Variants in CCDC192 observed in about 807,000 individuals in gnomAD.
CCDC192 encodes the protein coiled-coil domain-containing protein 192.
chr5:127,872,895 T>C (rs1417640424), intron 5 of CCDC192, among the ~76,000 whole-genome samples: 1 of 152,092 alleles, frequency 6.6e-6, no homozygotes, highest in Non-Finnish European at 1.5e-5. Flanking sequence ...AATATACAAA[T>C]ATATAATAGT....
rs145084363 is a variant in CCDC192 at position 127,806,544 on chromosome 5, T to G, written c.411+8382T>G. On this transcript the variant is annotated intron_variant, in intron 5 of 6. Coordinates refer to ENST00000514853, the MANE Select transcript of CCDC192 (RefSeq NM_001317938.2). ...GCATTTCTTCAAACATGTATTTCAG[T>G]TTCTTACTTAATAAGCTTAGACTTC... Among the ~76,000 whole-genome samples the G allele has an allele frequency of 9.2e-5, 14 of 152,292 alleles. No individual in the cohort carries two copies. The East Asian group carries it at 2.7e-3, about 29-fold the overall frequency.
chr5:127,776,776 A>G (rs1413032365), intron 3 of CCDC192, among the ~76,000 whole-genome samples: 1 of 152,206 alleles, frequency 6.6e-6, no homozygotes, highest in Non-Finnish European at 1.5e-5. Context: ...GGGCCAAGGT[A>G]CAGTTCAGGC....
At chr5:127,873,368 A>T (rs190214011) in intron 5 of CCDC192, among the ~76,000 whole-genome samples, 19 of 152,334 alleles carry the variant, frequency 1.2e-4, no homozygotes, top group Non-Finnish European at 1.9e-4. Context: ...ATAATGAAAA[A>T]TTGCAAACAT....
chr5:127,751,258 G>C (rs12523504), intron 2 of CCDC192, among the ~76,000 whole-genome samples: 8,952 of 152,156 alleles, frequency 0.059, 586 homozygotes, highest in East Asian at 0.27. Context: ...GGTACCAGTT[G>C]TTCCTTTCCA....
intron 5 of CCDC192, among the ~76,000 whole-genome samples, chr5:127,865,605 A>G (rs1372787872): frequency 6.6e-6 from 1 of 150,722 alleles, no homozygotes; most frequent in African/African-American, 2.5e-5. Flanking sequence ...AGTATTGGAA[A>G]CATGGTTTTC....
At chr5:127,930,011 C>T (rs936082593) in intron 6 of CCDC192, among the ~76,000 whole-genome samples, 1 of 152,198 alleles carries the variant, frequency 6.6e-6, no homozygotes, top group East Asian at 1.9e-4. Context: ...CAAGACCAGC[C>T]TGACTGACAT....
intron 6 of CCDC192, among the ~76,000 whole-genome samples, chr5:127,876,477 G>A (rs1752083014): frequency 6.6e-6 from 1 of 152,176 alleles, no homozygotes; most frequent in African/African-American, 2.4e-5. Flanking sequence ...TCACCCTCTA[G>A]AGCAGCCGCT....
chr5:127,840,400 G>A (rs1750228977), intron 5 of CCDC192, among the ~76,000 whole-genome samples: 1 of 152,118 alleles, frequency 6.6e-6, no homozygotes, highest in Admixed American at 6.5e-5. Context: ...TAGTTGCATG[G>A]GTGGAGTAGA....
intron 5 of CCDC192, among the ~76,000 whole-genome samples, chr5:127,829,523 G>T (rs186966817): frequency 3.4e-4 from 52 of 152,208 alleles, no homozygotes; most frequent in South Asian, 6.2e-4. Flanking sequence ...GAAAAGAATA[G>T]CAGGGAATAA....
At chr5:127,737,930 A>C (rs948359364) in intron 2 of CCDC192, among the ~76,000 whole-genome samples, 20 of 151,206 alleles carry the variant, frequency 1.3e-4, no homozygotes, top group Non-Finnish European at 2.7e-4. Context: ...GTCCATTTAC[A>C]TTTAAAGTTA....
chr5:127,769,896 T>C (rs1336505206), intron 3 of CCDC192, among the ~76,000 whole-genome samples: 3 of 152,054 alleles, frequency 2.0e-5, no homozygotes, highest in Non-Finnish European at 4.4e-5. Flanking sequence ...TCCCAGTTAC[T>C]GGAAATTTTT....
rs1753751212 is a variant in CCDC192, at chr5:127,922,577, T to A, written c.536-18605T>A. Among the ~76,000 whole-genome samples the A allele has an allele frequency of 3.3e-5, 5 of 152,030 alleles. No individual in the cohort carries two copies. The South Asian group carries it at 1.0e-3, about 32-fold the overall frequency. ...AACATGGCAAAACCCCATCTCTACA[T>A]AAAAATACAAAAAGTTAGCCTGGTG... On this transcript the variant is annotated intron_variant, in intron 6 of 6. Transcript: ENST00000514853.
chr5:127,759,861 G>C (rs536359768), intron 3 of CCDC192, among the ~76,000 whole-genome samples: 1 of 152,152 alleles, frequency 6.6e-6, no homozygotes, highest in East Asian at 1.9e-4. Context: ...CTCTTCATCT[G>C]GTAAAGGGAT....
intron 5 of CCDC192, among the ~76,000 whole-genome samples, chr5:127,863,969 T>C (rs969184261): frequency 5.9e-5 from 9 of 152,212 alleles, no homozygotes; most frequent in African/African-American, 1.4e-4. Flanking sequence ...TACAGAAGCT[T>C]GGCTGGCCTT....
chr5:127,814,485 AT>A (rs1758265970), intron 5 of CCDC192, among the ~76,000 whole-genome samples: 1 of 152,132 alleles, frequency 6.6e-6, no homozygotes, highest in South Asian at 2.1e-4. Flanking sequence ...AGTTAAAGTG[AT>A]TGTTGTGGAT....
intron 3 of CCDC192, among the ~76,000 whole-genome samples, chr5:127,779,127 C>A (rs1463783027): frequency 6.6e-6 from 1 of 151,876 alleles, no homozygotes; most frequent in African/African-American, 2.4e-5. Flanking sequence ...CTGCTTTAAC[C>A]TTTATTATAT....
chr5:127,729,027 C>T (rs1421102085), intron 2 of CCDC192, among the ~76,000 whole-genome samples: 1 of 152,226 alleles, frequency 6.6e-6, no homozygotes, highest in South Asian at 2.1e-4. Flanking sequence ...CTGACTTAGC[C>T]TCCCGAGTAG....
rs78153331 is a variant in CCDC192, at chr5:127,914,688, T to C, written c.536-26494T>C. ...TTGGGCAACGTGCTTGGAGATAGGG[T>C]ACAGTCAATAATAACAGTAGTTAAC... On this transcript the variant is annotated intron_variant, in intron 6 of 6. Coordinates refer to ENST00000514853, the MANE Select transcript of CCDC192 (RefSeq NM_001317938.2). Among the ~76,000 whole-genome samples the C allele has an allele frequency of 1.4e-3, 218 of 152,294 alleles. 3 individuals carry two copies. The East Asian group carries it at 0.036, about 25-fold the overall frequency.
chr5:127,838,512 G>A (rs1417130545), intron 5 of CCDC192: 2 of 152,166 alleles, frequency 1.3e-5, no homozygotes, highest in Non-Finnish European at 2.9e-5. Flanking sequence ...TTCTGAAGGT[G>A]GAATAGGTAC....
Sources: allele counts gnomAD v4.1 joint callset (sites outside exome capture counted in the v4.1 genomes callset), GRCh38; gene constraint gnomAD v4.1.1; transcripts MANE v1.5; gene names NCBI Gene and HGNC (gene_info 2026-07-23, HGNC 2026-07-21).